The following AP3B1 variants were observed in gnomAD, a reference collection of about 807,000 sequenced individuals.
AP3B1 encodes the protein adaptor related protein complex 3 subunit beta 1, also known as AP-3 complex subunit beta-1.
In AP3B1, 61 loss-of-function variants were observed where a neutral mutation model predicts 132.5. That is an observed-to-expected ratio of 0.46 (90% CI 0.37 to 0.57). The LOEUF (loss-of-function observed/expected upper bound fraction) is 0.57, where lower values mean the gene tolerates loss of function less well. Ranked by LOEUF, AP3B1 falls within the 20% of genes least tolerant of loss-of-function variation. The pLI is 0.00. For missense variants in AP3B1, 1,120 were observed against 1,289.4 expected, an observed-to-expected ratio of 0.87 and a Z score of 2.01; for synonymous variants, 388 against 438.3, an observed-to-expected ratio of 0.89 and a Z score of 1.43.
chr5:78,286,187 A>C (rs1749272325), intron 1 of AP3B1, among the ~76,000 whole-genome samples: 1 of 152,186 alleles, frequency 6.6e-6, no homozygotes, highest in Non-Finnish European at 1.5e-5. Flanking sequence ...CTAGGCTTTA[A>C]AAACTTGCAG....
intron 24 of AP3B1, among the ~76,000 whole-genome samples, chr5:78,033,201 T>A (rs1747651744): frequency 6.6e-6 from 1 of 152,106 alleles, no homozygotes; most frequent in Non-Finnish European, 1.5e-5. Context: ...TAGAGTGATG[T>A]TACTCATAGC....
chr5:78,160,695 A>G (rs1267671876), intron 13 of AP3B1, among the ~76,000 whole-genome samples: 2 of 152,106 alleles, frequency 1.3e-5, no homozygotes, highest in East Asian at 1.9e-4. Context: ...AAAGAAACTG[A>G]GTCTTCATTC....
chr5:78,172,381 G>T (rs1743954924), intron 11 of AP3B1, among the ~76,000 whole-genome samples: 1 of 152,146 alleles, frequency 6.6e-6, no homozygotes, highest in African/African-American at 2.4e-5. Context: ...GGACTTTATT[G>T]GTTGGTAGGC....
At chr5:78,153,835 AAACT>A (rs1477426089) in intron 14 of AP3B1, among the ~76,000 whole-genome samples, 2 of 152,196 alleles carry the variant, frequency 1.3e-5, no homozygotes, top group African/African-American at 2.4e-5. Context: ...AGCAAAAAGG[AAACT>A]AATAAAAGTT....
chr5:78,249,919 G>C (rs1747559081), intron 2 of AP3B1, among the ~76,000 whole-genome samples: 2 of 151,926 alleles, frequency 1.3e-5, no homozygotes, highest in Admixed American at 1.3e-4. Flanking sequence ...TCAACTTCTG[G>C]CTCTTTCTTC....
intron 11 of AP3B1, among the ~76,000 whole-genome samples, chr5:78,166,251 A>G (rs1743626676): frequency 6.6e-6 from 1 of 152,172 alleles, no homozygotes; most frequent in South Asian, 2.1e-4. Flanking sequence ...CCACAAACAG[A>G]TATTAGACAA....
chr5:78,198,471 C>A (rs759204933), intron 7 of AP3B1, among the ~76,000 whole-genome samples: 10 of 152,122 alleles, frequency 6.6e-5, no homozygotes, highest in African/African-American at 9.7e-5. Flanking sequence ...TGGACAGCTA[C>A]CTCATATGGT....
chr5:78,119,307 C>T (rs1355621141), intron 17 of AP3B1, among the ~76,000 whole-genome samples: 1 of 152,206 alleles, frequency 6.6e-6, no homozygotes, highest in Non-Finnish European at 1.5e-5. Flanking sequence ...AGGAACGCAG[C>T]TCCTCACCAG....
At chr5:78,192,183 C>T (rs1356667571) in intron 7 of AP3B1, among the ~76,000 whole-genome samples, 2 of 150,196 alleles carry the variant, frequency 1.3e-5, no homozygotes, top group Non-Finnish European at 3.0e-5. Flanking sequence ...TCTACTTCAA[C>T]AAAATGTCTT....
intron 22 of AP3B1, among the ~76,000 whole-genome samples, chr5:78,047,679 T>A (rs1748400657): frequency 6.6e-6 from 1 of 152,226 alleles, no homozygotes; most frequent in Non-Finnish European, 1.5e-5. Flanking sequence ...CAGGTTCCTC[T>A]CCTGTAAAGC....
chr5:78,117,307 G>C (rs1242933474), intron 17 of AP3B1, among the ~76,000 whole-genome samples: 1 of 144,154 alleles, frequency 6.9e-6, no homozygotes, highest in African/African-American at 2.6e-5. Flanking sequence ...AAAATATTTT[G>C]TGCAATTTTT....
chr5:78,129,652 A>G (rs1752610031), intron 15 of AP3B1, among the ~76,000 whole-genome samples: 1 of 152,114 alleles, frequency 6.6e-6, no homozygotes, highest in Non-Finnish European at 1.5e-5. Flanking sequence ...AACTAAAAAC[A>G]TGGCACTCAA....
At chr5:78,231,666 C>T (rs1746658604) in intron 3 of AP3B1, among the ~76,000 whole-genome samples, 1 of 152,154 alleles carries the variant, frequency 6.6e-6, no homozygotes. Context: ...TCGTAATCAC[C>T]ACCAGTTGTT....
At chr5:78,281,174 C>G (rs1261560196) in intron 1 of AP3B1, among the ~76,000 whole-genome samples, 1 of 152,142 alleles carries the variant, frequency 6.6e-6, no homozygotes, top group Non-Finnish European at 1.5e-5. Context: ...GTGGCTCGCG[C>G]CTGTAATTCC....
intron 2 of AP3B1, among the ~76,000 whole-genome samples, chr5:78,253,936 C>T (rs954693295): frequency 2.2e-5 from 3 of 139,038 alleles, no homozygotes; most frequent in African/African-American, 5.4e-5. Flanking sequence ...CCAGCCTGGG[C>T]GACAGAGCAA....
Position 78,193,763 on chromosome 5 carries a change from TA to T in AP3B1, c.787-12102del, listed in dbSNP as rs1366624118. 1.1e-3 allele frequency among the ~76,000 whole-genome samples: 133 copies of T among 125,536 alleles called. 4 individuals are homozygous for T. Among genetic ancestry groups the T allele is most frequent in the African/African-American group, 3.8e-3 (126 of 32,844 alleles). The allele number at this position is 125,536 out of a possible 152,430, so 82.4% of individuals were successfully genotyped here. On this transcript the variant is annotated intron_variant, in intron 7 of 26. Transcript: ENST00000255194. ...ATTTTTTTATATATATATATATATA[TA>T]TATATATTTTTTTTTTAGACAGAGT... is the stretch of plus-strand genomic sequence containing the variant.
intron 22 of AP3B1, among the ~76,000 whole-genome samples, chr5:78,051,955 T>G (rs1432066997): frequency 6.6e-6 from 1 of 152,126 alleles, no homozygotes; most frequent in African/African-American, 2.4e-5. Flanking sequence ...AAGTGGGTCT[T>G]GATTTTACCT....
intron 18 of AP3B1, among the ~76,000 whole-genome samples, chr5:78,114,364 T>A (rs970504925): frequency 6.6e-6 from 1 of 152,074 alleles, no homozygotes; most frequent in African/African-American, 2.4e-5. Flanking sequence ...TAGGAACAAA[T>A]TTTGAGAGGA....
In AP3B1 at chr5:78,205,269, C is replaced by T. The variant is rs1305901177; in HGVS notation, c.786+10786G>A. Among the ~76,000 whole-genome samples the T allele has an allele frequency of 7.2e-5, 11 of 152,128 alleles. No homozygotes were observed. In the South Asian group the frequency reaches 2.3e-3, roughly 32 times the overall value. On this transcript the variant is annotated intron_variant, in intron 7 of 26. Transcript: ENST00000255194. ...AAGTGAGAGAAAGTGCTAATATAAA[C>T]TCACTAAAGAGATTTTATATTCTAA...
Sources: gnomAD v4.1 joint callset for allele counts (sites outside exome capture counted in the v4.1 genomes callset) on GRCh38, gnomAD v4.1.1 for gene constraint, MANE v1.5 for transcripts, NCBI Gene and HGNC (gene_info 2026-07-23, HGNC 2026-07-21) for gene names.